The following PRKCE variants were observed in gnomAD, a reference collection of about 807,000 sequenced individuals.
PRKCE encodes protein kinase C epsilon type.
Under a neutral mutation model 85.4 loss-of-function variants are expected in PRKCE, and 16 were observed. That is an observed-to-expected ratio of 0.19 (90% CI 0.13 to 0.28). PRKCE has a LOEUF of 0.28. Ranked by LOEUF, PRKCE falls within the 10% of genes least tolerant of loss-of-function variation. PRKCE has a pLI of 1.00. For synonymous variants in PRKCE, 388 were observed against 371.5 expected, an observed-to-expected ratio of 1.04 and a Z score of -0.51; for missense variants, 573 against 975.2, an observed-to-expected ratio of 0.59 and a Z score of 5.49.
chr2:45,757,734 C>G (rs1396715619), intron 1 of PRKCE, among the ~76,000 whole-genome samples: 1 of 151,992 alleles, frequency 6.6e-6, no homozygotes. Flanking sequence ...GTTAAACAAG[C>G]CATTATTGCC....
rs961710174 is a variant in PRKCE, at chr2:46,161,366, A to G, written c.2067+1614A>G. On this transcript the variant is annotated intron_variant, in intron 14 of 14. Coordinates refer to ENST00000306156, the MANE Select transcript of PRKCE (RefSeq NM_005400.3). ...TATTTAATCTAAGTTAATCAACCCA[A>G]AGAAAAATTAGAAGTAGTGCTAAGT... 4.7e-4 allele frequency among the ~76,000 whole-genome samples: 72 copies of G among 152,382 alleles called. 1 individual carries two copies. The highest frequency in any genetic ancestry group is 5.9e-5 in the Non-Finnish European group (4 of 68,036).
chr2:45,992,553 G>A (rs745496333), intron 6 of PRKCE, among the ~76,000 whole-genome samples: 1 of 152,138 alleles, frequency 6.6e-6, no homozygotes, highest in African/African-American at 2.4e-5. Flanking sequence ...TTTGCTCTCT[G>A]TCTCTGAGCT....
chr2:45,927,260 A>C (rs1480542638), intron 2 of PRKCE, among the ~76,000 whole-genome samples: 1 of 152,202 alleles, frequency 6.6e-6, no homozygotes, highest in Non-Finnish European at 1.5e-5. Flanking sequence ...ATAATTTGTG[A>C]ATTAACAAAT....
chr2:45,742,077 C>G (rs952124167), intron 1 of PRKCE, among the ~76,000 whole-genome samples: 6 of 152,210 alleles, frequency 3.9e-5, no homozygotes, highest in Admixed American at 1.3e-4. Context: ...ACGAAAAGCA[C>G]AGGCAACAAA....
intron 2 of PRKCE, among the ~76,000 whole-genome samples, chr2:45,879,573 G>T (rs1317158140): frequency 6.6e-6 from 1 of 152,190 alleles, no homozygotes; most frequent in Non-Finnish European, 1.5e-5. Context: ...AGATGTTGCA[G>T]GTACTCTCCA....
chr2:45,744,160 A>G (rs1682830302), intron 1 of PRKCE, among the ~76,000 whole-genome samples: 1 of 152,212 alleles, frequency 6.6e-6, no homozygotes, highest in African/African-American at 2.4e-5. Flanking sequence ...TAATAACACC[A>G]ACCCTGTTGT....
intron 1 of PRKCE, among the ~76,000 whole-genome samples, chr2:45,726,811 A>C (rs920315249): frequency 6.6e-6 from 1 of 152,070 alleles, no homozygotes; most frequent in Admixed American, 6.6e-5. Context: ...CTGTTTTCCT[A>C]GGTGACATAG....
At chr2:45,793,887 A>T (rs996165809) in intron 1 of PRKCE, among the ~76,000 whole-genome samples, 1 of 152,120 alleles carries the variant, frequency 6.6e-6, no homozygotes, top group East Asian at 1.9e-4. Flanking sequence ...CTGAGTCATG[A>T]GTGTTCACAT....
chr2:45,974,355 T>G (rs771485303), intron 2 of PRKCE, among the ~76,000 whole-genome samples: 5 of 152,156 alleles, frequency 3.3e-5, no homozygotes, highest in Non-Finnish European at 5.9e-5. Context: ...TAGGAGGTGG[T>G]GAGCTTTCTG....
intron 1 of PRKCE, chr2:45,770,770 T>A (rs1189116729): frequency 6.6e-6 from 1 of 152,184 alleles, no homozygotes; most frequent in Admixed American, 6.5e-5. Context: ...GGATTATTTC[T>A]TCCTTCCTAA....
intron 11 of PRKCE, among the ~76,000 whole-genome samples, chr2:46,114,831 G>A (rs922609491): frequency 6.6e-6 from 1 of 152,044 alleles, no homozygotes. Flanking sequence ...TTTAAAATAG[G>A]TGTGTGTGTG....
intron 11 of PRKCE, among the ~76,000 whole-genome samples, chr2:46,129,477 C>G (rs1187905302): frequency 6.6e-6 from 1 of 152,118 alleles, no homozygotes; most frequent in Non-Finnish European, 1.5e-5. Flanking sequence ...ATATAAATGC[C>G]AAGAGGACAG....
intron 1 of PRKCE, among the ~76,000 whole-genome samples, chr2:45,835,343 A>G (rs1487549277): frequency 6.6e-6 from 1 of 152,178 alleles, no homozygotes; most frequent in Non-Finnish European, 1.5e-5. Flanking sequence ...GTCCCACCCA[A>G]TGTCTACATT....
chr2:45,838,305 A>C (rs1160859066), intron 1 of PRKCE, among the ~76,000 whole-genome samples: 2 of 152,204 alleles, frequency 1.3e-5, no homozygotes. Context: ...CATGACTTGC[A>C]AGCTCTGTTG....
chr2:45,734,701 G>T (rs1681894876), intron 1 of PRKCE, among the ~76,000 whole-genome samples: 1 of 152,086 alleles, frequency 6.6e-6, no homozygotes, highest in Non-Finnish European at 1.5e-5. Context: ...ATTTTTTGAT[G>T]CGCAGATCCC....
intron 10 of PRKCE, among the ~76,000 whole-genome samples, chr2:46,058,196 C>A (rs184587537): frequency 6.6e-6 from 1 of 152,220 alleles, no homozygotes; most frequent in African/African-American, 2.4e-5. Flanking sequence ...CAAGGCTGCA[C>A]GGAGGACTGA....
intron 1 of PRKCE, among the ~76,000 whole-genome samples, chr2:45,678,109 C>T (rs1416185623): frequency 6.6e-6 from 1 of 152,124 alleles, no homozygotes; most frequent in African/African-American, 2.4e-5. Flanking sequence ...CCTTTCTCAC[C>T]AATTTCTTTT....
chr2:46,152,474 G>A (rs555133470), intron 13 of PRKCE, among the ~76,000 whole-genome samples: 23 of 150,692 alleles, frequency 1.5e-4, no homozygotes, highest in East Asian at 8.0e-4. Flanking sequence ...GAGCCACTGC[G>A]CCCAGCCTGT....
At chr2:46,148,169 A>C (rs1310166482) in intron 12 of PRKCE, among the ~76,000 whole-genome samples, 1 of 152,178 alleles carries the variant, frequency 6.6e-6, no homozygotes, top group South Asian at 2.1e-4. Context: ...GCTTCCCAGG[A>C]AGTGGCCACC....
Sources: allele counts gnomAD v4.1 joint callset (sites outside exome capture counted in the v4.1 genomes callset), GRCh38; gene constraint gnomAD v4.1.1; transcripts MANE v1.5; gene names NCBI Gene and HGNC (gene_info 2026-07-23, HGNC 2026-07-21).